The following CDK19 variants were observed in gnomAD, a reference collection of about 807,000 sequenced individuals.
CDK19 encodes the protein cyclin-dependent kinase 19.
CDK19 carries 20 observed loss-of-function variants against 68.3 expected under a neutral mutation model. That is an observed-to-expected ratio of 0.29 (90% confidence interval 0.21 to 0.43). CDK19 has a LOEUF of 0.43. CDK19 is among the 20% of genes least tolerant of loss of function. The pLI is 1.00. For missense variants in CDK19, 339 were observed against 623.5 expected (o/e 0.54, Z 4.86); for synonymous variants, 221 against 222.8 (o/e 0.99, Z 0.07).
chr6:110,637,428 G>C (rs1181708830), intron 5 of CDK19, among the ~76,000 whole-genome samples: 1 of 152,138 alleles, frequency 6.6e-6, no homozygotes, highest in Non-Finnish European at 1.5e-5. Flanking sequence ...TTAGGCTAGA[G>C]GTGTTTAAAG....
intron 2 of CDK19, among the ~76,000 whole-genome samples, chr6:110,675,748 A>G (rs1038254661): frequency 6.6e-5 from 10 of 152,320 alleles, no homozygotes; most frequent in African/African-American, 2.2e-4. Flanking sequence ...GAACATTTTA[A>G]GCCCACTATT....
chr6:110,764,498 A>C (rs1779438221), intron 1 of CDK19, among the ~76,000 whole-genome samples: 1 of 152,236 alleles, frequency 6.6e-6, no homozygotes, highest in Admixed American at 6.5e-5. Flanking sequence ...AGGAACAGCA[A>C]TGGAGAAAGA....
At chr6:110,661,205 T>C (rs1312448115) in intron 4 of CDK19, among the ~76,000 whole-genome samples, 1 of 152,234 alleles carries the variant, frequency 6.6e-6, no homozygotes. Flanking sequence ...ATCAATGTAC[T>C]GATCTTTCGA....
intron 1 of CDK19, among the ~76,000 whole-genome samples, chr6:110,806,170 T>C (rs1000881836): frequency 1.3e-5 from 2 of 151,640 alleles, no homozygotes; most frequent in East Asian, 1.9e-4. Flanking sequence ...TGAAACCCCG[T>C]TTCTACTAAA....
At chr6:110,665,370 TA>T (rs1241764638) in intron 4 of CDK19, among the ~76,000 whole-genome samples, 1 of 152,006 alleles carries the variant, frequency 6.6e-6, no homozygotes, top group Non-Finnish European at 1.5e-5. Flanking sequence ...AGAGGTAAAA[TA>T]AATTTCTAGG....
At chr6:110,796,542 G>A (rs73530438) in intron 1 of CDK19, among the ~76,000 whole-genome samples, 2,999 of 151,654 alleles carry the variant, frequency 0.02, 100 homozygotes, top group African/African-American at 0.068. Context: ...CCAGCTACTC[G>A]GAAGGCTAAA....
rs1779089622 is a variant in CDK19, at chr6:110,626,385, TAA to T, written c.860+389_860+390del. 2.0e-5 allele frequency among the ~76,000 whole-genome samples: 3 copies of T among 152,216 alleles called. No homozygotes were observed. In the South Asian group the frequency reaches 6.2e-4, roughly 32 times the overall value. ...TCTCATTGAAATTACTACCTATAAT[TAA>T]TGTACACTATGGTTTGAATGTTTAT... On this transcript the variant is annotated intron_variant, in intron 8 of 12. Transcript: ENST00000368911.
At chr6:110,665,525 G>C (rs113673482) in intron 4 of CDK19, among the ~76,000 whole-genome samples, 13 of 152,280 alleles carry the variant, frequency 8.5e-5, no homozygotes, top group African/African-American at 3.1e-4. Flanking sequence ...AATATGTTAA[G>C]CTATGCTGTT....
At chr6:110,659,647 G>C (rs1366331714) in intron 4 of CDK19, among the ~76,000 whole-genome samples, 1 of 152,212 alleles carries the variant, frequency 6.6e-6, no homozygotes, top group Non-Finnish European at 1.5e-5. Flanking sequence ...TGTTCAAAGT[G>C]ATAAATTCTG....
Position 110,815,353 on chromosome 6 carries a change from G to GCGA in CDK19, c.-220_-218dup, listed in dbSNP as rs1415766364. 1.2e-5 allele frequency: 5 copies of GCGA among 405,466 alleles called. No homozygotes were observed. Among genetic ancestry groups the GCGA allele is most frequent in the Non-Finnish European group, 1.7e-5 (4 of 237,526 alleles). The allele number at this position is 405,466 out of a possible 1,614,324, so 25.1% of individuals were successfully genotyped here. On this transcript the variant is annotated 5_prime_UTR_variant, in exon 1 of 13. Coordinates refer to ENST00000368911, the MANE Select transcript of CDK19 (RefSeq NM_015076.5). ...CTCCACCTCTTCCTCCTCCTCCTCC[G>GCGA]CGACGGCGGCGGCGGCTCCCGCAGG...
In CDK19 at chr6:110,776,484, G is replaced by C. The variant is rs573261893; in HGVS notation, c.129-30283C>G. Among the ~76,000 whole-genome samples the C allele has an allele frequency of 4.6e-5, 7 of 151,688 alleles. No individual in the cohort carries two copies. The South Asian group carries it at 1.5e-3, about 32-fold the overall frequency. On this transcript the variant is annotated intron_variant, in intron 1 of 12. Coordinates refer to ENST00000368911, the MANE Select transcript of CDK19 (RefSeq NM_015076.5). Reference sequence around the variant, plus strand: ...ATTCTTTGCCCAGCCAAATAATCTGGGGAGCTGTGTAAGGAAGCCTGAAGA... The same window carrying C: ...ATTCTTTGCCCAGCCAAATAATCTGCGGAGCTGTGTAAGGAAGCCTGAAGA...
intron 2 of CDK19, among the ~76,000 whole-genome samples, chr6:110,712,416 A>G (rs1190474041): frequency 4.6e-5 from 7 of 152,344 alleles, no homozygotes; most frequent in Admixed American, 2.6e-4. Context: ...TAGAAACATC[A>G]ATTTACTAGA....
At chr6:110,742,735 G>A (rs970994436) in intron 2 of CDK19, among the ~76,000 whole-genome samples, 2 of 152,136 alleles carry the variant, frequency 1.3e-5, no homozygotes, top group Non-Finnish European at 2.9e-5. Context: ...AGGCTTACTA[G>A]GATTGGGAAA....
chr6:110,748,943 T>C (rs886366146), intron 1 of CDK19, among the ~76,000 whole-genome samples: 1 of 152,242 alleles, frequency 6.6e-6, no homozygotes, highest in Non-Finnish European at 1.5e-5. Context: ...GCTATGATAA[T>C]CCAGCTTTTA....
chr6:110,686,581 A>C (rs1378957448), intron 2 of CDK19, among the ~76,000 whole-genome samples: 1 of 152,208 alleles, frequency 6.6e-6, no homozygotes, highest in African/African-American at 2.4e-5. Context: ...AGACTCAACA[A>C]ATTTTAGATG....
At chr6:110,787,779 G>T (rs977408773) in intron 1 of CDK19, among the ~76,000 whole-genome samples, 5 of 151,966 alleles carry the variant, frequency 3.3e-5, no homozygotes, top group Non-Finnish European at 5.9e-5. Context: ...TTTCCTTATT[G>T]GCATCTGGGA....
chr6:110,666,979 T>A (rs1047685485), intron 4 of CDK19, among the ~76,000 whole-genome samples: 8 of 152,206 alleles, frequency 5.3e-5, no homozygotes, highest in African/African-American at 1.9e-4. Context: ...CCTGTTAGAT[T>A]TATTTATTCA....
At chr6:110,662,361 T>C (rs1366276854) in intron 4 of CDK19, among the ~76,000 whole-genome samples, 20 of 152,210 alleles carry the variant, frequency 1.3e-4, no homozygotes, top group Admixed American at 1.2e-3. Flanking sequence ...GTGCTTATTG[T>C]GTACTAGGTT....
intron 12 of CDK19, 125 bp from the exon 13 acceptor site, chr6:110,614,791 G>C: frequency 2.3e-6 from 2 of 860,388 alleles, no homozygotes; most frequent in Non-Finnish European, 3.6e-6. Flanking sequence ...ACACATAGCT[G>C]ACAGCTAACT....
Sources: allele counts gnomAD v4.1 joint callset (sites outside exome capture counted in the v4.1 genomes callset), GRCh38; gene constraint gnomAD v4.1.1; transcripts MANE v1.5; gene names NCBI Gene and HGNC (gene_info 2026-07-23, HGNC 2026-07-21).